IGSF9B: variants seen among roughly 807,000 people sequenced by gnomAD.
IGSF9B encodes protein turtle homolog B.
A neutral mutation model predicts 143.7 loss-of-function variants in IGSF9B; 48 were observed. That is an observed-to-expected ratio of 0.33 (90% CI 0.26 to 0.42). IGSF9B has a LOEUF of 0.42. IGSF9B is among the 20% of genes least tolerant of loss of function. IGSF9B has a pLI of 1.00. For missense variants in IGSF9B, 1,706 were observed against 1,980.0 expected (o/e 0.86, Z 2.63); for synonymous variants, 903 against 833.1 (o/e 1.08, Z -1.44).
intron 17 of IGSF9B, 37 bp downstream of exon 17, chr11:133,922,140 T>C (rs760574793): frequency 6.3e-6 from 10 of 1,598,344 alleles, no homozygotes; most frequent in South Asian, 1.1e-5. Flanking sequence ...CCCCCTGCCA[T>C]GAACAGCACA....
chr11:133,950,125 G>A (rs530423253), intron 1 of IGSF9B, among the ~76,000 whole-genome samples: 5 of 152,184 alleles, frequency 3.3e-5, no homozygotes, highest in South Asian at 2.1e-4. Context: ...CAGGGCTGCC[G>A]TTGGACCCCT....
rs555649012 is a variant in IGSF9B, at chr11:133,933,305, G to A, written c.968-1092C>T. Among the ~76,000 whole-genome samples, 30 of 152,262 alleles carry A rather than the reference G, an allele frequency of 2.0e-4. No homozygotes were observed. The South Asian group carries it at 6.2e-3, about 32-fold the overall frequency. On this transcript the variant is annotated intron_variant, in intron 7 of 19. Transcript: ENST00000533871. The stretch of plus-strand genomic sequence containing the variant: ...ACAGCTCCTTATCCCAAAGTCTCCT[G>A]AGCAACAAGCAGTCCCCGCCTCTAC...
At chr11:133,950,495 G>A (rs1033346607) in intron 1 of IGSF9B, among the ~76,000 whole-genome samples, 1 of 152,224 alleles carries the variant, frequency 6.6e-6, no homozygotes, top group Non-Finnish European at 1.5e-5. Flanking sequence ...AGCTGTGCCC[G>A]ATGCACGGAT....
rs1939845692 is a variant in IGSF9B, at chr11:133,937,461, G to C, written c.594C>G (p.Val198=). The change falls in exon 5 of 20, where the codon GTC becomes GTG. Residue 198 remains valine (V), a synonymous_variant. Coordinates refer to ENST00000533871, the MANE Select transcript of IGSF9B (RefSeq NM_001277285.4). The stretch of plus-strand genomic sequence containing the variant: ...TGTAGGCACCTCTGTCCTCCCGACT[G>C]ACCGATGTCACTGTCAGGCTGCCGT... ...VSDGSLTVTS[V]SREDRGAYTC... 6.2e-7 allele frequency: 1 copy of C among 1,613,654 alleles called. No individual in the cohort carries two copies. Among genetic ancestry groups the C allele is most frequent in the African/African-American group, 1.3e-5 (1 of 74,932 alleles).
In IGSF9B at chr11:133,905,840, C is replaced by T. The variant is rs1017630764; in HGVS notation, c.*3229G>A. Among the ~76,000 whole-genome samples the T allele has an allele frequency of 3.3e-5, 5 of 152,248 alleles. No individual in the cohort carries two copies. Among genetic ancestry groups the T allele is most frequent in the African/African-American group, 9.6e-5 (4 of 41,472 alleles). On this transcript the variant is annotated 3_prime_UTR_variant, in exon 20 of 20. Transcript: ENST00000533871. The surrounding 1 kb of genome is among the most constrained non-coding windows in gnomAD (Gnocchi z 4.0). ...ACCCCGCTCAGCACCAGGGAGCCCA[C>T]GGCAGCCCACCAGCAAATCAAGACA...
Position 133,937,368 on chromosome 11 carries a change from GCTC to G in IGSF9B, c.679+5_679+7del. The stretch of plus-strand genomic sequence containing the variant: ...CAGGGTTAAAGAGGCTGAGGAAATG[GCTC>G]CTACCTTGGACAAGCAGGTGAGTCG... On this transcript the variant is annotated splice_donor_5th_base_variant and intron_variant, in intron 5 of 19. Transcript: ENST00000533871. The G allele has an allele frequency of 6.3e-7, 1 of 1,596,744 alleles. No individual in the cohort carries two copies. Among genetic ancestry groups the G allele is most frequent in the South Asian group, 1.1e-5 (1 of 90,244 alleles).
At chr11:133,951,535 G>A (rs1054001063) in intron 1 of IGSF9B, among the ~76,000 whole-genome samples, 4 of 152,242 alleles carry the variant, frequency 2.6e-5, no homozygotes, top group East Asian at 1.9e-4. Context: ...CTGTGAGGCC[G>A]GGATGCTATT....
intron 13 of IGSF9B, among the ~76,000 whole-genome samples, chr11:133,926,191 T>A (rs1054110434): frequency 1.3e-5 from 2 of 152,088 alleles, no homozygotes; most frequent in African/African-American, 4.8e-5. Context: ...GAGGAATAAT[T>A]AAATGTCATC....
intron 3 of IGSF9B, among the ~76,000 whole-genome samples, chr11:133,942,799 G>C (rs995816658): frequency 1.3e-5 from 2 of 152,142 alleles, no homozygotes; most frequent in African/African-American, 4.8e-5. Flanking sequence ...CTTACCAGGT[G>C]GTCAGAACAA....
chr11:133,926,899 C>A lies in IGSF9B; in HGVS notation c.1807+17G>T. The A allele has an allele frequency of 6.4e-7, 1 of 1,560,844 alleles. No homozygotes were observed. The highest frequency in any genetic ancestry group is 8.7e-7 in the Non-Finnish European group (1 of 1,147,866). ...CTCTACAACCCCCGCTCCCAACATCCCACCCCGGGCCCTCACCTAAAGTGT... is the reference window on the plus strand; with the variant it reads ...CTCTACAACCCCCGCTCCCAACATCACACCCCGGGCCCTCACCTAAAGTGT... On this transcript the variant is annotated intron_variant, in intron 13 of 19. Coordinates refer to ENST00000533871, the MANE Select transcript of IGSF9B (RefSeq NM_001277285.4).
At chr11:133,911,576 A>C (rs923289090) in intron 19 of IGSF9B, among the ~76,000 whole-genome samples, 6 of 152,248 alleles carry the variant, frequency 3.9e-5, no homozygotes, top group African/African-American at 1.4e-4. Flanking sequence ...GGCACAGAAA[A>C]GTTTCCAAAG....
In IGSF9B at chr11:133,927,077, T is replaced by C. The variant is rs1415911264; in HGVS notation, c.1646A>G (p.Gln549Arg). Reference sequence around the variant, plus strand: ...GGACAGCCAGTCATGGGGCCCAAACTGTGCCCGCTTCATCCTGGCCAAAAG... The same window carrying C: ...GGACAGCCAGTCATGGGGCCCAAACCGTGCCCGCTTCATCCTGGCCAAAAG... ...QTFSVWMKRA[Q>R]FGPHDWLSLP... Residue 549 changes from glutamine to arginine, a missense_variant, in exon 13 of 20, where the codon CAG (glutamine) becomes CGG (arginine). Physicochemically the swap from Gln to Arg is conservative, Grantham distance 43 (BLOSUM62 1). Transcript: ENST00000533871. The C allele has an allele frequency of 2.6e-6, 4 of 1,555,922 alleles. No individual in the cohort carries two copies. In the East Asian group the frequency reaches 7.3e-5, roughly 28 times the overall value.
At position 133,945,472 on chromosome 11, in the gene IGSF9B, G is replaced by A. The variant is rs1346520849; in HGVS notation, c.262+589C>T. On this transcript the variant is annotated intron_variant, in intron 2 of 19. Transcript: ENST00000533871. This position sits in a 1 kb window ranked among gnomAD's most constrained non-coding sequence, Gnocchi z 4.6. ...CTCGCTCAATGACACGCACACGCAC[G>A]CACACACACACCCACGCCCTCCTCT... 6.6e-6 allele frequency among the ~76,000 whole-genome samples: 1 copy of A among 151,942 alleles called. No homozygotes were observed. The highest frequency in any genetic ancestry group is 1.5e-5 in the Non-Finnish European group (1 of 67,966).
intron 18 of IGSF9B, among the ~76,000 whole-genome samples, chr11:133,915,267 TC>T (rs148582531): frequency 0.33 from 29,984 of 90,240 alleles, 4,040 homozygotes; most frequent in Middle Eastern, 0.38. Flanking sequence ...TCTCTCTCTC[TC>T]TTTTTTTTTT....
At chr11:133,925,671 C>A in intron 14 of IGSF9B, 68 bp downstream of exon 14, 1 of 1,367,668 alleles carries the variant, frequency 7.3e-7, no homozygotes, top group Non-Finnish European at 1.0e-6. Flanking sequence ...TCAAAGCTTC[C>A]AGTGCCTCTA....
Position 133,921,162 on chromosome 11 carries a change from C to T in IGSF9B, c.2563G>A (p.Asp855Asn), listed in dbSNP as rs1359895349. The T allele has an allele frequency of 5.0e-6, 8 of 1,612,144 alleles. No individual in the cohort carries two copies. The highest frequency in any genetic ancestry group is 5.9e-6 in the Non-Finnish European group (7 of 1,179,082). Residue 855 changes from aspartate to asparagine, a missense_variant, in exon 18 of 20, where the codon GAC becomes AAC. Physicochemically the swap from Asp to Asn is conservative, Grantham distance 23. Around this residue, in one of 7 missense-constraint regions of IGSF9B, gnomAD observed 135 missense variants for 181.3 expected, o/e 0.74. Transcript: ENST00000533871. Reference sequence around the variant, plus strand: ...GCAGGGTCCATCACGAAGCGGCCGTCAGGGCCTCTGCTGATGAGCTCGATG... The same window carrying T: ...GCAGGGTCCATCACGAAGCGGCCGTTAGGGCCTCTGCTGATGAGCTCGATG... Reference protein sequence around the residue: ...TPIELISRGPDGRFVMDPAEM... With the variant: ...TPIELISRGPNGRFVMDPAEM...
Position 133,924,867 on chromosome 11 carries a change from T to C in IGSF9B, c.2072A>G (p.Gln691Arg). ...GTTGCTGGGCTCGCTGATCAGATCC[T>C]GCATGACGGCCAGAACCCGGAACTC... ...WYEFRVLAVM[Q>R]DLISEPSNIA... Residue 691 changes from glutamine to arginine, a missense_variant, in exon 15 of 20, where the codon CAG becomes CGG. Coordinates refer to ENST00000533871, the MANE Select transcript of IGSF9B (RefSeq NM_001277285.4). The C allele has an allele frequency of 6.2e-7, 1 of 1,613,818 alleles. No individual in the cohort carries two copies. Among genetic ancestry groups the C allele is most frequent in the East Asian group, 2.2e-5 (1 of 44,876 alleles).
rs1007086010 is a variant in IGSF9B, at chr11:133,909,420, C to T, written c.4106-143G>A. On this transcript the variant is annotated intron_variant, in intron 19 of 19. Transcript: ENST00000533871. This position sits in a 1 kb window ranked among gnomAD's most constrained non-coding sequence, Gnocchi z 4.2. ...TCACCTGAGTCTAGAGAGACCAGACCGAATTGCTGCAGAGAAACCACCTTC... is the reference window on the plus strand; with the variant it reads ...TCACCTGAGTCTAGAGAGACCAGACTGAATTGCTGCAGAGAAACCACCTTC... The T allele has an allele frequency of 1.0e-5, 7 of 695,302 alleles. No individual in the cohort carries two copies. The highest frequency in any genetic ancestry group is 5.2e-5 in the Admixed American group (2 of 38,312). 43.1% of individuals were successfully genotyped at this position (695,302 alleles called of 1,614,324 possible).
Position 133,931,355 on chromosome 11 carries a change from G to A in IGSF9B, c.1368+98C>T. ...CGCTGGGCCCTCACACCTCCCCTCA[G>A]CCCCGGGGCTCGCTGGGCCCTCAAA... On this transcript the variant is annotated intron_variant, in intron 10 of 19. Transcript: ENST00000533871. The surrounding 1 kb of genome is among the most constrained non-coding windows in gnomAD (Gnocchi z 7.7). The A allele has an allele frequency of 2.1e-6, 2 of 934,748 alleles. No individual in the cohort carries two copies. Among genetic ancestry groups the A allele is most frequent in the Non-Finnish European group, 3.3e-6 (2 of 609,418 alleles). The allele number at this position is 934,748 out of a possible 1,614,324, so 57.9% of individuals were successfully genotyped here.
Sources: allele counts gnomAD v4.1 joint callset (sites outside exome capture counted in the v4.1 genomes callset), GRCh38; gene constraint gnomAD v4.1.1; regional missense constraint gnomAD v4.1.1; non-coding constraint Gnocchi (gnomAD v3.1); transcripts MANE v1.5; gene names NCBI Gene and HGNC (gene_info 2026-07-23, HGNC 2026-07-21).